The following ELL variants were observed in gnomAD, a reference collection of about 807,000 sequenced individuals.
ELL encodes the protein RNA polymerase II elongation factor ELL.
A neutral mutation model predicts 64.0 loss-of-function variants in ELL; 18 were observed. The observed-to-expected ratio is 0.28, with a 90% CI of 0.19 to 0.42. The LOEUF (loss-of-function observed/expected upper bound fraction) is 0.42. Among genes scored for constraint, ELL ranks in the 10% least tolerant of loss-of-function variants. The pLI, the probability that ELL is intolerant of heterozygous loss-of-function variation, is 1.00. For synonymous variants in ELL, 399 were observed against 376.2 expected (o/e 1.06, Z -0.70); for missense variants, 797 against 870.4 (o/e 0.92, Z 1.06).
chr19:18,520,481 C>A (rs1037840413), intron 1 of ELL, among the ~76,000 whole-genome samples: 1 of 149,646 alleles, frequency 6.7e-6, no homozygotes, highest in African/African-American at 2.5e-5. Flanking sequence ...CTTGCTCTTT[C>A]AAAAAAAAAT....
At chr19:18,464,081 A>G (rs568869075) in intron 4 of ELL, among the ~76,000 whole-genome samples, 35 of 151,972 alleles carry the variant, frequency 2.3e-4, no homozygotes, top group Non-Finnish European at 4.7e-4. Context: ...ATTAACATGT[A>G]TATGGGGCCA....
chr19:18,485,794 G>A (rs1293136322), intron 1 of ELL, among the ~76,000 whole-genome samples: 1 of 152,106 alleles, frequency 6.6e-6, no homozygotes, highest in Non-Finnish European at 1.5e-5. Flanking sequence ...AGACCATCCT[G>A]GTTAACACGG....
chr19:18,513,257 T>C (rs1225277871), intron 1 of ELL, among the ~76,000 whole-genome samples: 1 of 152,186 alleles, frequency 6.6e-6, no homozygotes, highest in Non-Finnish European at 1.5e-5. Context: ...CATCGCTCTA[T>C]GTAGCCTCAC....
At chr19:18,473,305 C>A in intron 1 of ELL, 1 of 457,314 alleles carries the variant, frequency 2.2e-6, no homozygotes. Flanking sequence ...TGGATCATGA[C>A]TCTCCCAAGG....
chr19:18,457,152 G>C (rs981011411), intron 6 of ELL, among the ~76,000 whole-genome samples: 3 of 152,220 alleles, frequency 2.0e-5, no homozygotes, highest in Non-Finnish European at 2.9e-5. Flanking sequence ...TCACTCAGCA[G>C]ACGGAACATG....
intron 1 of ELL, among the ~76,000 whole-genome samples, chr19:18,485,928 G>A (rs1274952558): frequency 4.6e-5 from 7 of 151,756 alleles, no homozygotes; most frequent in African/African-American, 1.5e-4. Flanking sequence ...AGAGGTGGCA[G>A]TGAGCCAAGA....
Position 18,444,637 on chromosome 19 carries a change from C to A in ELL, c.*115G>T, listed in dbSNP as rs998183823. ...ACGTCTGCAGGGGCTGCCCTGAAAG[C>A]CGGCGGTGCTGGCTCAGATGAGCAT... On this transcript the variant is annotated 3_prime_UTR_variant, in exon 12 of 12. Coordinates refer to ENST00000262809, the MANE Select transcript of ELL (RefSeq NM_006532.4). 8.4e-7 allele frequency: 1 copy of A among 1,191,510 alleles called. No individual in the cohort carries two copies. Among genetic ancestry groups the A allele is most frequent in the Non-Finnish European group, 1.2e-6 (1 of 859,866 alleles). 73.8% of individuals were successfully genotyped at this position (1,191,510 alleles called of 1,614,324 possible). A position where few individuals can be genotyped will look rare whatever the true frequency, so the allele number is the denominator to read the frequency against.
rs1411473980 is a variant in ELL, at chr19:18,449,445, GGCAGGGCTGACCCA to G, written c.1465+1018_1465+1031del. Reference sequence around the variant, plus strand: ...ACGGGAGGTGGGAAGCCCAGCACGAGGCAGGGCTGACCCAACCCCGAAAGTCTTCCTTCCTATCC... The same window carrying G: ...ACGGGAGGTGGGAAGCCCAGCACGAGACCCCGAAAGTCTTCCTTCCTATCC... On this transcript the variant is annotated intron_variant, in intron 8 of 11. Coordinates refer to ENST00000262809, the MANE Select transcript of ELL (RefSeq NM_006532.4). The surrounding 1 kb of genome is among the most constrained non-coding windows in gnomAD (Gnocchi z 4.4). 7.9e-5 allele frequency among the ~76,000 whole-genome samples: 12 copies of G among 152,144 alleles called. No individual in the cohort carries two copies. The highest frequency in any genetic ancestry group is 2.9e-4 in the African/African-American group (12 of 41,416).
intron 1 of ELL, among the ~76,000 whole-genome samples, chr19:18,486,171 C>T (rs1975411568): frequency 6.6e-6 from 1 of 152,138 alleles, no homozygotes; most frequent in South Asian, 2.1e-4. Flanking sequence ...GGGGCTCCAC[C>T]TCGGGTGGGA....
At chr19:18,484,425 A>G (rs1271173125) in intron 1 of ELL, among the ~76,000 whole-genome samples, 1 of 152,176 alleles carries the variant, frequency 6.6e-6, no homozygotes, top group Non-Finnish European at 1.5e-5. Context: ...AGATCATACC[A>G]CTGCACTCCA....
At chr19:18,500,733 T>G (rs1009785337) in intron 1 of ELL, among the ~76,000 whole-genome samples, 2 of 152,136 alleles carry the variant, frequency 1.3e-5, no homozygotes, top group African/African-American at 4.8e-5. Flanking sequence ...CATACCATTG[T>G]GCAAAATAGC....
intron 8 of ELL, among the ~76,000 whole-genome samples, chr19:18,447,349 C>T (rs746186280): frequency 9.2e-5 from 14 of 152,266 alleles, no homozygotes; most frequent in East Asian, 1.9e-4. Context: ...CAAAGTTCCA[C>T]GCCCTTGGTC....
Position 18,443,825 on chromosome 19 carries a change from G to C in ELL, c.*927C>G, listed in dbSNP as rs958747661. 21 of 233,092 alleles carry C rather than the reference G, an allele frequency of 9.0e-5. No individual in the cohort carries two copies. The highest frequency in any genetic ancestry group is 7.9e-4 in the Admixed American group (14 of 17,794). The allele number at this position is 233,092 out of a possible 1,614,324, so 14.4% of individuals were successfully genotyped here. A position where few individuals can be genotyped will look rare whatever the true frequency, so the allele number is the denominator to read the frequency against. On this transcript the variant is annotated 3_prime_UTR_variant, in exon 12 of 12. Transcript: ENST00000262809. ...ACCTTGGCGGTGGCTCTGCTAAGAC[G>C]ACCCCAGGACCCACAAGTGGACAGA...
chr19:18,488,906 C>A (rs1257871855), intron 1 of ELL, among the ~76,000 whole-genome samples: 1 of 152,230 alleles, frequency 6.6e-6, no homozygotes, highest in Non-Finnish European at 1.5e-5. Flanking sequence ...CAAACTGACT[C>A]TTCACAGGCG....
chr19:18,451,764 C>T, intron 6 of ELL, 116 bp from the exon 7 acceptor site: 1 of 804,636 alleles, frequency 1.2e-6, no homozygotes, highest in Non-Finnish European at 1.8e-6. Context: ...CCCCTCCTCC[C>T]AAATCCAGAG....
chr19:18,518,293 C>T (rs182182804), intron 1 of ELL, among the ~76,000 whole-genome samples: 61 of 147,778 alleles, frequency 4.1e-4, no homozygotes, highest in Middle Eastern at 4.1e-3. Flanking sequence ...TGAGCCCCGG[C>T]GTTTGAAATC....
In ELL at chr19:18,501,239, G is replaced by A. The variant is rs188398705; in HGVS notation, c.135+20682C>T. On this transcript the variant is annotated intron_variant, in intron 1 of 11. Coordinates refer to ENST00000262809, the MANE Select transcript of ELL (RefSeq NM_006532.4). This position sits in a 1 kb window ranked among gnomAD's most constrained non-coding sequence, Gnocchi z 4.5. ...ACCACCCAATGGGAAACAGTGGTGA[G>A]CACAGCCATGGACCACAGAGAGTAA... 3.3e-5 allele frequency among the ~76,000 whole-genome samples: 5 copies of A among 152,248 alleles called. No individual in the cohort carries two copies. The highest frequency in any genetic ancestry group is 1.9e-4 in the East Asian group (1 of 5,172).
At position 18,450,585 on chromosome 19, in the gene ELL, T is replaced by C. The variant is rs1339721711; in HGVS notation, c.1357A>G (p.Lys453Glu). ...GCCCTCTCCTTGTCTTTGTGCTTCT[T>C]GGACTTCTTCTTGGGCTTGCTGCGC... ...PSRSKPKKKSKKHKDKERAAE... is the reference protein window; with the variant it reads ...PSRSKPKKKSEKHKDKERAAE... Residue 453 changes from lysine to glutamate, a missense_variant, in exon 8 of 12, where the codon AAG becomes GAG. Physicochemically the swap from Lys to Glu is moderately conservative, Grantham distance 56 (BLOSUM62 1). Coordinates refer to ENST00000262809, the MANE Select transcript of ELL (RefSeq NM_006532.4). 1.2e-6 allele frequency: 2 copies of C among 1,612,722 alleles called. No homozygotes were observed. Among genetic ancestry groups the C allele is most frequent in the African/African-American group, 1.3e-5 (1 of 74,900 alleles).
chr19:18,463,104 C>T (rs1974861496), intron 4 of ELL, among the ~76,000 whole-genome samples: 1 of 152,182 alleles, frequency 6.6e-6, no homozygotes, highest in Non-Finnish European at 1.5e-5. Context: ...CTCTTCGTAA[C>T]AACATCACTC....
Sources: allele counts gnomAD v4.1 joint callset (sites outside exome capture counted in the v4.1 genomes callset), GRCh38; gene constraint gnomAD v4.1.1; non-coding constraint Gnocchi (gnomAD v3.1); transcripts MANE v1.5; gene names NCBI Gene and HGNC (gene_info 2026-07-23, HGNC 2026-07-21).